The following PPARD variants were observed in gnomAD, a reference collection of about 807,000 sequenced individuals.
PPARD encodes peroxisome proliferator-activated receptor delta.
Under a neutral mutation model 39.5 loss-of-function variants are expected in PPARD, and 6 were observed. That is an observed-to-expected ratio of 0.15 (90% confidence interval 0.08 to 0.30). The LOEUF (loss-of-function observed/expected upper bound fraction) is 0.30, where lower values mean the gene tolerates loss of function less well. PPARD is among the 10% of genes least tolerant of loss of function. The pLI, the probability that PPARD is intolerant of heterozygous loss-of-function variation, is 1.00. For synonymous variants in PPARD, 210 were observed against 231.3 expected (o/e 0.91, Z 0.83); for missense variants, 397 against 596.8 (o/e 0.67, Z 3.49).
intron 2 of PPARD, among the ~76,000 whole-genome samples, chr6:35,393,150 G>T (rs552767942): frequency 6.6e-6 from 1 of 152,312 alleles, no homozygotes; most frequent in East Asian, 1.9e-4. Context: ...GCCCTGTGGG[G>T]AGCTCTGGGG....
chr6:35,392,662 C>T lies in PPARD; in HGVS notation c.-101-18325C>T, dbSNP rs981877801. Among the ~76,000 whole-genome samples, 2 of 152,164 alleles carry T rather than the reference C, an allele frequency of 1.3e-5. 1 individual carries two copies. The highest frequency in any genetic ancestry group is 4.2e-4 in the South Asian group (2 of 4,818). The stretch of plus-strand genomic sequence containing the variant: ...ATTGTGGGTGGGGAGACACCGCCTA[C>T]GTGCTCGGGACGCCCCAGGATTTGG... On this transcript the variant is annotated intron_variant, in intron 2 of 7. Transcript: ENST00000360694.
intron 2 of PPARD, among the ~76,000 whole-genome samples, chr6:35,396,504 C>T (rs1764326787): frequency 1.4e-5 from 2 of 143,014 alleles, no homozygotes; most frequent in Non-Finnish European, 3.0e-5. Context: ...GCGCCTAGCC[C>T]TATTTCTTCT....
rs1448462240 is a variant in PPARD at position 35,412,011 on chromosome 6, C to A, written c.130+794C>A. Among the ~76,000 whole-genome samples the A allele has an allele frequency of 6.6e-6, 1 of 152,340 alleles. No homozygotes were observed. Among genetic ancestry groups the A allele is most frequent in the Non-Finnish European group, 1.5e-5 (1 of 68,020 alleles). ...TGGCACAGTCTCAGCTCACTGCAAC[C>A]TCTGCCTCCTGGGTTCAAGTGATTC... On this transcript the variant is annotated intron_variant, in intron 3 of 7. Transcript: ENST00000360694. This position sits in a 1 kb window ranked among gnomAD's most constrained non-coding sequence, Gnocchi z 4.1.
chr6:35,374,316 G>GT (rs202167874), intron 2 of PPARD, among the ~76,000 whole-genome samples: 5 of 150,118 alleles, frequency 3.3e-5, no homozygotes, highest in Non-Finnish European at 7.4e-5. Flanking sequence ...GGTGGGGCGG[G>GT]GGGGTTTAGT....
intron 2 of PPARD, among the ~76,000 whole-genome samples, chr6:35,399,414 A>C (rs1399148755): frequency 1.3e-5 from 2 of 151,432 alleles, no homozygotes; most frequent in East Asian, 1.9e-4. Context: ...AAAAAAAAAA[A>C]AAAAACAAAG....
intron 2 of PPARD, among the ~76,000 whole-genome samples, chr6:35,389,544 C>T (rs992336181): frequency 2.0e-5 from 3 of 151,926 alleles, no homozygotes; most frequent in Non-Finnish European, 4.4e-5. Context: ...AACTCCTGAC[C>T]CCAGGTGATC....
intron 2 of PPARD, among the ~76,000 whole-genome samples, chr6:35,380,468 TTTTGTTTG>T (rs1562190269): frequency 2.1e-5 from 2 of 94,880 alleles, no homozygotes; most frequent in African/African-American, 1.2e-4. Context: ...TGTTTTTTTT[TTTTGTTTG>T]TTTTTTTTTT....
chr6:35,357,709 G>A (rs1761699901), intron 2 of PPARD, among the ~76,000 whole-genome samples: 1 of 152,044 alleles, frequency 6.6e-6, no homozygotes, highest in African/African-American at 2.4e-5. Context: ...GCTAATTTTT[G>A]TATTTTTAGT....
chr6:35,351,586 T>G (rs914706372), intron 2 of PPARD, among the ~76,000 whole-genome samples: 2 of 152,176 alleles, frequency 1.3e-5, no homozygotes, highest in Non-Finnish European at 2.9e-5. Context: ...AGCATCTCCC[T>G]CAGTCACCCA....
chr6:35,422,235 G>C (rs1013719422), intron 5 of PPARD, among the ~76,000 whole-genome samples: 2 of 152,196 alleles, frequency 1.3e-5, no homozygotes, highest in African/African-American at 2.4e-5. Flanking sequence ...TTCTGGCCCA[G>C]AAGGGAACTG....
chr6:35,387,716 CTT>C (rs61314141), intron 2 of PPARD, among the ~76,000 whole-genome samples: 14 of 89,312 alleles, frequency 1.6e-4, no homozygotes, highest in Admixed American at 4.3e-4. Context: ...ACACTGCATT[CTT>C]TTTTTTTTTT....
chr6:35,386,219 G>A (rs1192870943), intron 2 of PPARD, among the ~76,000 whole-genome samples: 3 of 151,826 alleles, frequency 2.0e-5, no homozygotes, highest in Non-Finnish European at 4.4e-5. Context: ...TGGTTCTAAT[G>A]CTTTGTATTT....
intron 2 of PPARD, among the ~76,000 whole-genome samples, chr6:35,392,166 G>A (rs2150674599): frequency 1.3e-5 from 2 of 152,088 alleles, no homozygotes; most frequent in East Asian, 4.0e-4. Flanking sequence ...TATGCAGCCT[G>A]TACTTCCCAG....
chr6:35,397,280 G>A (rs1229783858), intron 2 of PPARD, among the ~76,000 whole-genome samples: 2 of 148,956 alleles, frequency 1.3e-5, no homozygotes, highest in Non-Finnish European at 3.0e-5. Flanking sequence ...GGATTGTATA[G>A]TTTAAGGGAG....
At chr6:35,397,563 G>A in intron 2 of PPARD, 1 of 985,266 alleles carries the variant, frequency 1.0e-6, no homozygotes. Flanking sequence ...TGAAGCCCGT[G>A]GAGCAGTGAT....
In PPARD at chr6:35,400,271, C is replaced by G. The variant is rs575368974; in HGVS notation, c.-101-10716C>G. 3.9e-5 allele frequency among the ~76,000 whole-genome samples: 6 copies of G among 152,312 alleles called. No homozygotes were observed. The East Asian group carries it at 1.2e-3, about 29-fold the overall frequency. On this transcript the variant is annotated intron_variant, in intron 2 of 7. Coordinates refer to ENST00000360694, the MANE Select transcript of PPARD (RefSeq NM_006238.5). ...TCAGTGGCTGCCCTTCTCCTTACCA[C>G]CAGCCTTCGTCCCCTCACCTAGAGC...
At position 35,424,483 on chromosome 6, in the gene PPARD, C is replaced by A; in HGVS notation, c.782C>A (p.Thr261Asn). ...CTTVETVRELTEFAKSIPSFS... is the reference protein window; with the variant it reads ...CTTVETVRELNEFAKSIPSFS... ...ACAGTGGAGACCGTGCGGGAGCTCA[C>A]TGAGTTCGCCAAGAGCATCCCCAGC... The change falls in exon 7 of 8, where the codon ACT becomes AAT. Residue 261 changes from threonine to asparagine, a missense_variant. By Grantham distance (65) the Thr-to-Asn change is moderately conservative. Coordinates refer to ENST00000360694, the MANE Select transcript of PPARD (RefSeq NM_006238.5). The surrounding 1 kb of genome is among the most constrained non-coding windows in gnomAD (Gnocchi z 7.1). 1 of 1,614,244 alleles carries A rather than the reference C, an allele frequency of 6.2e-7. No individual in the cohort carries two copies. The highest frequency in any genetic ancestry group is 8.5e-7 in the Non-Finnish European group (1 of 1,180,040).
rs1764672730 is a variant in PPARD, at chr6:35,401,187, T to A, written c.-101-9800T>A. Among the ~76,000 whole-genome samples the A allele has an allele frequency of 6.6e-6, 1 of 152,168 alleles. No individual in the cohort carries two copies. Among genetic ancestry groups the A allele is most frequent in the Non-Finnish European group, 1.5e-5 (1 of 68,028 alleles). On this transcript the variant is annotated intron_variant, in intron 2 of 7. Transcript: ENST00000360694. This position sits in a 1 kb window ranked among gnomAD's most constrained non-coding sequence, Gnocchi z 4.1. Reference sequence around the variant, plus strand: ...GGGCAGCCAGAGAGGTACTCAGCTCTGAGTCAGGGCCCCATCCCTCAACTC... The same window carrying A: ...GGGCAGCCAGAGAGGTACTCAGCTCAGAGTCAGGGCCCCATCCCTCAACTC...
At chr6:35,415,557 C>T (rs2150804108) in intron 3 of PPARD, among the ~76,000 whole-genome samples, 2 of 152,280 alleles carry the variant, frequency 1.3e-5, no homozygotes, top group East Asian at 1.9e-4. Flanking sequence ...CTAGTGTTTA[C>T]ACTGAATCCA....
Sources: allele counts gnomAD v4.1 joint callset (sites outside exome capture counted in the v4.1 genomes callset), GRCh38; gene constraint gnomAD v4.1.1; non-coding constraint Gnocchi (gnomAD v3.1); transcripts MANE v1.5; gene names NCBI Gene and HGNC (gene_info 2026-07-23, HGNC 2026-07-21).